Variants in ZNF704 observed in about 807,000 individuals in gnomAD.
The protein encoded by ZNF704 is zinc finger protein 704.
In ZNF704, 10 loss-of-function variants were observed where a neutral mutation model predicts 44.7. The ratio of observed to expected loss-of-function variants is 0.22; its 90% CI spans 0.14 to 0.38. ZNF704 has a LOEUF of 0.38. Among genes scored for constraint, ZNF704 ranks in the 10% least tolerant of loss-of-function variants. The probability of loss-of-function intolerance (pLI) is 1.00; values close to 1 mark genes in which losing one functional copy is unlikely to be tolerated. For missense variants in ZNF704, 390 were observed against 545.5 expected (o/e 0.71, Z 2.84); for synonymous variants, 211 against 207.6 (o/e 1.02, Z -0.14).
chr8:80,739,081 A>C (rs1806712183), intron 2 of ZNF704, among the ~76,000 whole-genome samples: 1 of 152,208 alleles, frequency 6.6e-6, no homozygotes, highest in South Asian at 2.1e-4. Flanking sequence ...ACTCAGCCCC[A>C]AAATCCACTC....
rs1256774913 is a variant in ZNF704 at position 80,634,078 on chromosome 8, G to A, written c.*7288C>T. The A allele has an allele frequency of 6.6e-6, 1 of 152,240 alleles. No individual in the cohort carries two copies. The highest frequency in any genetic ancestry group is 2.4e-5 in the African/African-American group (1 of 41,438). The allele number at this position is 152,240 out of a possible 1,614,324, so 9.4% of individuals were successfully genotyped here. On this transcript the variant is annotated 3_prime_UTR_variant, in exon 9 of 9. Coordinates refer to ENST00000327835, the MANE Select transcript of ZNF704 (RefSeq NM_001033723.3). ...CCGGATGGAGAGGGAAGGAGTGTGG[G>A]GAGGCTGGCCAAGGGCTTTGGCACA...
chr8:80,702,386 C>T (rs546756864), intron 2 of ZNF704, among the ~76,000 whole-genome samples: 2 of 152,106 alleles, frequency 1.3e-5, no homozygotes, highest in East Asian at 1.9e-4. Context: ...AAGCAGCAAC[C>T]GAGGCTCAGC....
chr8:80,830,949 T>G (rs1277855996), intron 1 of ZNF704, among the ~76,000 whole-genome samples: 1 of 151,850 alleles, frequency 6.6e-6, no homozygotes, highest in African/African-American at 2.4e-5. Context: ...ACAGACAAGG[T>G]TTCACTGTGT....
intron 2 of ZNF704, among the ~76,000 whole-genome samples, chr8:80,818,847 T>C (rs888437517): frequency 6.6e-6 from 1 of 152,184 alleles, no homozygotes; most frequent in African/African-American, 2.4e-5. Flanking sequence ...GTAAAGAAGT[T>C]TCTTTAAAAC....
intron 2 of ZNF704, among the ~76,000 whole-genome samples, chr8:80,809,903 C>G (rs1808055634): frequency 6.6e-6 from 1 of 151,982 alleles, no homozygotes; most frequent in Admixed American, 6.6e-5. Context: ...TTTTTATTGG[C>G]ATCACCAACC....
chr8:80,791,936 G>A (rs1807715466), intron 2 of ZNF704, among the ~76,000 whole-genome samples: 1 of 152,208 alleles, frequency 6.6e-6, no homozygotes, highest in Non-Finnish European at 1.5e-5. Context: ...TTGGGAATCA[G>A]CTCACAATGG....
chr8:80,878,747 T>C (rs958036667), upstream of ZNF704, among the ~76,000 whole-genome samples: 6 of 152,228 alleles, frequency 3.9e-5, no homozygotes, highest in Non-Finnish European at 8.8e-5. Context: ...GTTTCTTCCA[T>C]GAGCAATTAA....
intron 1 of ZNF704, among the ~76,000 whole-genome samples, chr8:80,832,102 T>C (rs1353698943): frequency 6.6e-6 from 1 of 152,182 alleles, no homozygotes; most frequent in Non-Finnish European, 1.5e-5. Flanking sequence ...CACCAATTAC[T>C]GAGTTAACGG....
At chr8:80,790,538 A>G (rs1038625649) in intron 2 of ZNF704, among the ~76,000 whole-genome samples, 1 of 152,206 alleles carries the variant, frequency 6.6e-6, no homozygotes, top group Non-Finnish European at 1.5e-5. Context: ...TTAAAAAACA[A>G]TGACAGGAAA....
intron 2 of ZNF704, among the ~76,000 whole-genome samples, chr8:80,736,357 G>A (rs534127197): frequency 4.8e-4 from 73 of 152,192 alleles, no homozygotes; most frequent in Non-Finnish European, 7.1e-4. Context: ...TCAGCTCACT[G>A]CAACCTCTGA....
chr8:80,691,048 T>C (rs1259865435), intron 3 of ZNF704, among the ~76,000 whole-genome samples: 2 of 152,126 alleles, frequency 1.3e-5, no homozygotes, highest in Non-Finnish European at 2.9e-5. Context: ...TTATCCCAGC[T>C]TGATGAATCA....
intron 5 of ZNF704, among the ~76,000 whole-genome samples, chr8:80,665,733 T>A (rs925217906): frequency 4.6e-5 from 7 of 152,138 alleles, no homozygotes; most frequent in African/African-American, 1.7e-4. Context: ...ATTTAATATA[T>A]CAGGTGTTAC....
intron 2 of ZNF704, among the ~76,000 whole-genome samples, chr8:80,727,976 C>T (rs1806514009): frequency 6.6e-6 from 1 of 152,018 alleles, no homozygotes; most frequent in South Asian, 2.1e-4. Flanking sequence ...AACCAGCATT[C>T]TTCAAAAATA....
intron 2 of ZNF704, among the ~76,000 whole-genome samples, chr8:80,757,083 T>G (rs879844875): frequency 1.3e-5 from 2 of 152,238 alleles, no homozygotes; most frequent in African/African-American, 4.8e-5. Flanking sequence ...TGTTTCAGAG[T>G]ACAGTCCTTC....
intron 2 of ZNF704, among the ~76,000 whole-genome samples, chr8:80,766,466 CCTTA>C (rs1282392836): frequency 1.3e-5 from 2 of 152,176 alleles, no homozygotes; most frequent in African/African-American, 2.4e-5. Flanking sequence ...GTCACAGAAG[CCTTA>C]CTATAAACTC....
chr8:80,662,872 TAAC>T (rs1818122838), intron 6 of ZNF704, among the ~76,000 whole-genome samples: 1 of 152,194 alleles, frequency 6.6e-6, no homozygotes, highest in East Asian at 1.9e-4. Context: ...AGTAAATACC[TAAC>T]AATAAGAATG....
At chr8:80,741,035 C>G (rs529864777) in intron 2 of ZNF704, among the ~76,000 whole-genome samples, 67 of 152,348 alleles carry the variant, frequency 4.4e-4, no homozygotes, top group African/African-American at 1.5e-3. Flanking sequence ...CTAAAATTAT[C>G]CAAAGGCACT....
chr8:80,865,068 C>T (rs1212078318), intron 1 of ZNF704, among the ~76,000 whole-genome samples: 1 of 152,134 alleles, frequency 6.6e-6, no homozygotes, highest in Non-Finnish European at 1.5e-5. Flanking sequence ...TGAATGGAGT[C>T]ACTTCAGGAA....
At chr8:80,683,291 G>A (rs560261610) in intron 4 of ZNF704, among the ~76,000 whole-genome samples, 2 of 152,324 alleles carry the variant, frequency 1.3e-5, no homozygotes, top group African/African-American at 4.8e-5. Context: ...AGCTAGGATA[G>A]AGAAGCCTTT....
Sources: gnomAD v4.1 joint callset for allele counts (sites outside exome capture counted in the v4.1 genomes callset) on GRCh38, gnomAD v4.1.1 for gene constraint, MANE v1.5 for transcripts, NCBI Gene and HGNC (gene_info 2026-07-23, HGNC 2026-07-21) for gene names.